LARS1: variants seen among roughly 807,000 people sequenced by gnomAD.
LARS1 encodes leucine--tRNA ligase, cytoplasmic.
Under a neutral mutation model 162.8 loss-of-function variants are expected in LARS1, and 100 were observed. The ratio of observed to expected loss-of-function variants is 0.61; its 90% CI spans 0.52 to 0.73. The LOEUF is 0.73. LARS1 is among the 30% of genes least tolerant of loss of function. The pLI, the probability that LARS1 is intolerant of heterozygous loss-of-function variation, is 0.00. For missense variants in LARS1, 1,258 were observed against 1,408.9 expected, an observed-to-expected ratio of 0.89 and a Z score of 1.71; for synonymous variants, 457 against 462.8, an observed-to-expected ratio of 0.99 and a Z score of 0.16.
At position 146,164,586 on chromosome 5, in the gene LARS1, C is replaced by G. The variant is rs1451875521; in HGVS notation, c.433-115G>C. On this transcript the variant is annotated intron_variant, in intron 5 of 31. Coordinates refer to ENST00000394434, the MANE Select transcript of LARS1 (RefSeq NM_020117.11). Reference sequence around the variant, plus strand: ...ACATTCTAAAATAATGCTGATACATCAGAACACTGCAGGAATTAGTTGTAC... The same window carrying G: ...ACATTCTAAAATAATGCTGATACATGAGAACACTGCAGGAATTAGTTGTAC... 7.4e-6 allele frequency: 7 copies of G among 941,642 alleles called. No individual in the cohort carries two copies. The African/African-American group carries it at 9.9e-5, about 13-fold the overall frequency. 58.3% of individuals were successfully genotyped at this position (941,642 alleles called of 1,614,324 possible).
intron 6 of LARS1, 62 bp downstream of exon 6, chr5:146,164,248 A>G: frequency 6.7e-7 from 1 of 1,503,412 alleles, no homozygotes; most frequent in Non-Finnish European, 9.1e-7. Flanking sequence ...ACAATAAAGC[A>G]AAGCACAATA....
At chr5:146,179,125 G>A (rs929321504) in intron 1 of LARS1, among the ~76,000 whole-genome samples, 1 of 151,958 alleles carries the variant, frequency 6.6e-6, no homozygotes, top group Non-Finnish European at 1.5e-5. Context: ...TCAGCTACTC[G>A]GGAGGCAAAG....
At position 146,114,258 on chromosome 5, in the gene LARS1, G is replaced by C; in HGVS notation, c.3379C>G (p.Arg1127Gly). ...TACTCCTTTCCCAGGACAGGAACTC[G>C]TCGAGGCCCCAACAGTGGATCATCA... ...RFDDPLLGPR[R>G]VPVLGKEYTE... The change falls in exon 32 of 32, where the codon CGA (arginine) becomes GGA (glycine). Residue 1127 changes from arginine to glycine, a missense_variant. Coordinates refer to ENST00000394434, the MANE Select transcript of LARS1 (RefSeq NM_020117.11). The C allele has an allele frequency of 6.2e-7, 1 of 1,613,694 alleles. No homozygotes were observed. The highest frequency in any genetic ancestry group is 1.1e-5 in the South Asian group (1 of 91,054).
chr5:146,154,874 A>G (rs1360313088), intron 10 of LARS1, among the ~76,000 whole-genome samples: 1 of 151,558 alleles, frequency 6.6e-6, no homozygotes, highest in Non-Finnish European at 1.5e-5. Flanking sequence ...TTTTTTTGAG[A>G]TGGAGTTCTG....
At chr5:146,166,977 G>A (rs145244903) in intron 5 of LARS1, among the ~76,000 whole-genome samples, 3 of 152,238 alleles carry the variant, frequency 2.0e-5, no homozygotes, top group East Asian at 1.9e-4. Context: ...GCTTGAGAAC[G>A]ACAAATTACC....
At chr5:146,150,744 T>A (rs1211899003) in intron 14 of LARS1, among the ~76,000 whole-genome samples, 2 of 151,610 alleles carry the variant, frequency 1.3e-5, no homozygotes, top group Non-Finnish European at 2.9e-5. Context: ...TCGAGACCAG[T>A]CTGACCAATA....
chr5:146,114,894 A>C (rs1764131445), intron 31 of LARS1, among the ~76,000 whole-genome samples: 1 of 151,924 alleles, frequency 6.6e-6, no homozygotes, highest in Non-Finnish European at 1.5e-5. Context: ...AATACAAAAA[A>C]TTAGCCGGGC....
At chr5:146,124,128 AAT>A in intron 28 of LARS1, 42 bp from the exon 29 acceptor site, 2 of 1,146,830 alleles carry the variant, frequency 1.7e-6, no homozygotes, top group Non-Finnish European at 2.6e-6. Flanking sequence ...TCACAGTAAG[AAT>A]ATGTTGGAAA....
intron 20 of LARS1, among the ~76,000 whole-genome samples, chr5:146,141,696 G>A (rs958925952): frequency 3.9e-5 from 6 of 152,048 alleles, no homozygotes; most frequent in Admixed American, 6.6e-5. Context: ...CCAGCTACTC[G>A]GAAGTGTGAG....
chr5:146,135,915 CTG>C (rs1752480824), intron 21 of LARS1, among the ~76,000 whole-genome samples: 1 of 152,344 alleles, frequency 6.6e-6, no homozygotes, highest in South Asian at 2.1e-4. Flanking sequence ...ACTCAGTCCA[CTG>C]TGATTTAGCC....
At position 146,168,221 on chromosome 5, in the gene LARS1, G is replaced by C; in HGVS notation, c.339C>G (p.Cys113Trp). 6.2e-7 allele frequency: 1 copy of C among 1,613,262 alleles called. No individual in the cohort carries two copies. Among genetic ancestry groups the C allele is most frequent in the Admixed American group, 1.7e-5 (1 of 59,948 alleles). The change falls in exon 5 of 32, where the codon TGC (cysteine) becomes TGG (tryptophan). Residue 113 changes from cysteine to tryptophan, a missense_variant. By Grantham distance (215) the Cys-to-Trp change is radical. Coordinates refer to ENST00000394434, the MANE Select transcript of LARS1 (RefSeq NM_020117.11). ...KLKREIELYG[C>W]PPDFPDEEEE... ...CTTCTTCATCTGGAAAATCAGGGGG[G>C]CAACCATACAGCTCTATTTCTCTTT... is the stretch of plus-strand genomic sequence containing the variant.
At chr5:146,176,487 T>C (rs1044460105) in intron 2 of LARS1, among the ~76,000 whole-genome samples, 3 of 150,434 alleles carry the variant, frequency 2.0e-5, no homozygotes, top group African/African-American at 7.3e-5. Context: ...AAAAAGAAGA[T>C]TAAATGAGAG....
In LARS1 at chr5:146,153,685, G is replaced by T. The variant is rs750543153; in HGVS notation, c.1230+49C>A. The T allele has an allele frequency of 2.1e-6, 3 of 1,439,058 alleles. No homozygotes were observed. The South Asian group carries it at 3.5e-5, about 17-fold the overall frequency. The allele number at this position is 1,439,058 out of a possible 1,614,324, so 89.1% of individuals were successfully genotyped here. ...CACAGCGTAGTTCAGCAGCACCTAAGCAATGAGATGGTGAGGACGAAATAC... is the reference window on the plus strand; with the variant it reads ...CACAGCGTAGTTCAGCAGCACCTAATCAATGAGATGGTGAGGACGAAATAC... On this transcript the variant is annotated intron_variant, in intron 12 of 31. Transcript: ENST00000394434.
chr5:146,156,224 G>T (rs534740660), intron 10 of LARS1, among the ~76,000 whole-genome samples: 1 of 152,160 alleles, frequency 6.6e-6, no homozygotes, highest in Non-Finnish European at 1.5e-5. Context: ...TGCGTTTTTT[G>T]AATTTTGGGA....
At chr5:146,145,459 CTT>C (rs931397208) in intron 15 of LARS1, among the ~76,000 whole-genome samples, 1 of 151,948 alleles carries the variant, frequency 6.6e-6, no homozygotes, top group African/African-American at 2.4e-5. Context: ...CATAGAAAAT[CTT>C]GTTACTAAAG....
chr5:146,182,222 TG>T (rs1407339079), intron 1 of LARS1: 2 of 519,084 alleles, frequency 3.9e-6, no homozygotes, highest in Non-Finnish European at 7.0e-6. Flanking sequence ...ATTACAGCCG[TG>T]GGCCACCGTG....
intron 27 of LARS1, among the ~76,000 whole-genome samples, chr5:146,127,764 C>G (rs1468672368): frequency 6.6e-6 from 1 of 152,038 alleles, no homozygotes; most frequent in Non-Finnish European, 1.5e-5. Context: ...AAATAGTTCT[C>G]CACAAAAATA....
intron 2 of LARS1, among the ~76,000 whole-genome samples, chr5:146,176,204 G>A (rs1023937523): frequency 7.3e-5 from 11 of 151,468 alleles, no homozygotes; most frequent in Admixed American, 5.9e-4. Context: ...CTGTAATCCC[G>A]GCACTTTGGG....
At position 146,131,486 on chromosome 5, in the gene LARS1, GTTT is replaced by G. The variant is rs140490084; in HGVS notation, c.2397-380_2397-378del. 2.2e-3 allele frequency: 266 copies of G among 119,434 alleles called. 1 individual carries two copies. Among genetic ancestry groups the G allele is most frequent in the African/African-American group, 6.1e-3 (178 of 29,190 alleles). 7.4% of individuals were successfully genotyped at this position (119,434 alleles called of 1,614,324 possible). On this transcript the variant is annotated intron_variant, in intron 23 of 31. Transcript: ENST00000394434. Reference sequence around the variant, plus strand: ...ATAGCCTAACTAAGGTTGTAGCCAAGTTTTTTTTTTTTTTTTTTTTTTTTTTTG... The same window carrying G: ...ATAGCCTAACTAAGGTTGTAGCCAAGTTTTTTTTTTTTTTTTTTTTTTTTG...
Sources: allele counts gnomAD v4.1 joint callset (sites outside exome capture counted in the v4.1 genomes callset), GRCh38; gene constraint gnomAD v4.1.1; transcripts MANE v1.5; gene names NCBI Gene and HGNC (gene_info 2026-07-23, HGNC 2026-07-21).